MNAT1: variants seen among roughly 807,000 people sequenced by gnomAD.
The protein encoded by MNAT1 is CDK-activating kinase assembly factor MAT1.
MNAT1 carries 43 observed loss-of-function variants against 42.0 expected under a neutral mutation model. That is an observed-to-expected ratio of 1.02 (90% CI 0.80 to 1.32). MNAT1 has a LOEUF of 1.32. MNAT1 is among the 40% of genes most tolerant of loss of function. The pLI, the probability that MNAT1 is intolerant of heterozygous loss-of-function variation, is 0.00. For synonymous variants in MNAT1, 118 were observed against 120.0 expected (o/e 0.98, Z 0.11); for missense variants, 306 against 350.4 (o/e 0.87, Z 1.01).
chr14:60,908,952 G>A (rs1393458701), intron 7 of MNAT1, among the ~76,000 whole-genome samples: 2 of 152,180 alleles, frequency 1.3e-5, no homozygotes, highest in African/African-American at 2.4e-5. Flanking sequence ...GTGTAAAAGT[G>A]TTCCTATTTC....
chr14:60,940,850 A>T (rs1375171829), intron 7 of MNAT1, among the ~76,000 whole-genome samples: 1 of 152,200 alleles, frequency 6.6e-6, no homozygotes, highest in Non-Finnish European at 1.5e-5. Context: ...AACATTACAG[A>T]ATCAGAAGGG....
intron 7 of MNAT1, among the ~76,000 whole-genome samples, chr14:60,911,686 C>G (rs1465802317): frequency 6.6e-6 from 1 of 152,118 alleles, no homozygotes; most frequent in Admixed American, 6.6e-5. Context: ...GTCTGAGAGA[C>G]AGTTTGTTAT....
intron 6 of MNAT1, among the ~76,000 whole-genome samples, chr14:60,859,681 A>G (rs932806756): frequency 2.6e-5 from 4 of 152,214 alleles, no homozygotes; most frequent in African/African-American, 9.6e-5. Flanking sequence ...AAGCAATAGT[A>G]TAATCAGAAC....
At chr14:60,955,496 T>C (rs1344850877) in intron 7 of MNAT1, among the ~76,000 whole-genome samples, 1 of 152,074 alleles carries the variant, frequency 6.6e-6, no homozygotes, top group Non-Finnish European at 1.5e-5. Flanking sequence ...ACCCCATCTC[T>C]ACTAAAAATA....
intron 1 of MNAT1, among the ~76,000 whole-genome samples, chr14:60,784,082 C>T (rs1044939239): frequency 6.6e-6 from 1 of 151,748 alleles, no homozygotes; most frequent in African/African-American, 2.4e-5. Context: ...TCTCGGCTCA[C>T]TGCAACCTCC....
At chr14:60,770,632 A>G (rs778452391) in intron 1 of MNAT1, among the ~76,000 whole-genome samples, 8 of 152,204 alleles carry the variant, frequency 5.3e-5, no homozygotes, top group Non-Finnish European at 8.8e-5. Context: ...CTGCTCAAAT[A>G]TGTTTTGAAA....
intron 1 of MNAT1, among the ~76,000 whole-genome samples, chr14:60,741,407 T>TGGA (rs767364547): frequency 5.9e-5 from 9 of 152,116 alleles, no homozygotes; most frequent in Non-Finnish European, 1.0e-4. Flanking sequence ...TTGCCCAGGC[T>TGGA]GGAGTGCAGT....
chr14:60,921,148 C>T lies in MNAT1; in HGVS notation c.809+41313C>T, dbSNP rs193039430. ...TAAACCTAAGAAATATTAGATGTTA[C>T]ATAAACTGTTGGAGATTGTCATTCA... On this transcript the variant is annotated intron_variant, in intron 7 of 7. Transcript: ENST00000261245. 1.9e-3 allele frequency among the ~76,000 whole-genome samples: 291 copies of T among 152,214 alleles called. 2 individuals carry two copies. The highest frequency in any genetic ancestry group is 3.6e-3 in the Admixed American group (55 of 15,284).
intron 1 of MNAT1, among the ~76,000 whole-genome samples, chr14:60,790,231 A>G (rs911986668): frequency 6.6e-6 from 1 of 152,142 alleles, no homozygotes; most frequent in African/African-American, 2.4e-5. Context: ...GTAAAAGGGA[A>G]ATAAATCTTG....
chr14:60,968,137 A>G, intron 7 of MNAT1, 92 bp from the exon 8 acceptor site: 1 of 930,844 alleles, frequency 1.1e-6, no homozygotes, highest in Non-Finnish European at 1.7e-6. Context: ...ATTCCTCTTT[A>G]AAACTTGAAT....
chr14:60,833,122 A>G (rs2033274156), intron 6 of MNAT1, among the ~76,000 whole-genome samples: 1 of 152,136 alleles, frequency 6.6e-6, no homozygotes, highest in African/African-American at 2.4e-5. Context: ...GTCATCTGCA[A>G]ACAGAGACAA....
intron 5 of MNAT1, 122 bp downstream of exon 5, chr14:60,812,249 T>C: frequency 1.0e-6 from 1 of 952,858 alleles, no homozygotes; most frequent in East Asian, 2.7e-5. Flanking sequence ...TCACCTTTAG[T>C]TTTGTTGGTT....
chr14:60,872,776 A>C (rs1388571530), intron 6 of MNAT1, among the ~76,000 whole-genome samples: 1 of 151,742 alleles, frequency 6.6e-6, no homozygotes, highest in Non-Finnish European at 1.5e-5. Context: ...ATGAATACTC[A>C]CATGCCTAAT....
intron 6 of MNAT1, among the ~76,000 whole-genome samples, chr14:60,870,904 C>G (rs2034311688): frequency 6.6e-6 from 1 of 152,158 alleles, no homozygotes; most frequent in Non-Finnish European, 1.5e-5. Flanking sequence ...ACAACACATT[C>G]ACACTTCTAG....
At chr14:60,894,859 T>C (rs371598942) in intron 7 of MNAT1, among the ~76,000 whole-genome samples, 83 of 152,316 alleles carry the variant, frequency 5.4e-4, no homozygotes, top group Admixed American at 4.7e-3. Context: ...CGATTACAAA[T>C]AAACATGTAT....
At chr14:60,869,042 T>TATATA (rs1336981892) in intron 6 of MNAT1, among the ~76,000 whole-genome samples, 6 of 79,104 alleles carry the variant, frequency 7.6e-5, no homozygotes, top group Non-Finnish European at 1.5e-4. Context: ...ATATATATAT[T>TATATA]TTTTTTTTTT....
intron 7 of MNAT1, among the ~76,000 whole-genome samples, chr14:60,954,050 G>C (rs1200238968): frequency 6.6e-6 from 1 of 151,856 alleles, no homozygotes; most frequent in Non-Finnish European, 1.5e-5. Context: ...TCTCTGTTCT[G>C]TTCCATTGGT....
chr14:60,877,465 T>C (rs1196152324), intron 6 of MNAT1, among the ~76,000 whole-genome samples: 2 of 152,076 alleles, frequency 1.3e-5, no homozygotes, highest in African/African-American at 4.8e-5. Flanking sequence ...GTCATGACTT[T>C]TACCTTTTTT....
At chr14:60,839,863 C>T (rs2033496907) in intron 6 of MNAT1, among the ~76,000 whole-genome samples, 2 of 152,246 alleles carry the variant, frequency 1.3e-5, no homozygotes, top group African/African-American at 4.8e-5. Flanking sequence ...CCAGACCCTG[C>T]ACTCACTCAT....
Sources: allele counts gnomAD v4.1 joint callset (sites outside exome capture counted in the v4.1 genomes callset), GRCh38; gene constraint gnomAD v4.1.1; transcripts MANE v1.5; gene names NCBI Gene and HGNC (gene_info 2026-07-23, HGNC 2026-07-21).